Variants in TMEM176B observed in about 807,000 individuals in gnomAD.
TMEM176B encodes the protein LR8-like protein.
A neutral mutation model predicts 30.3 loss-of-function variants in TMEM176B; 28 were observed. The ratio of observed to expected loss-of-function variants is 0.92; its 90% confidence interval spans 0.68 to 1.27. The LOEUF (loss-of-function observed/expected upper bound fraction) is 1.27. Among genes scored for constraint, TMEM176B ranks in the 50% most tolerant of loss-of-function variants. The pLI, the probability that TMEM176B is intolerant of heterozygous loss-of-function variation, is 0.00. For missense variants in TMEM176B, 349 were observed against 327.4 expected (o/e 1.07, Z -0.51); for synonymous variants, 123 against 130.3 (o/e 0.94, Z 0.38).
At chr7:150,801,321 C>A (rs1798775850), upstream of TMEM176B, 4 of 493,394 alleles carry the variant, frequency 8.1e-6, no homozygotes, top group Admixed American at 3.9e-5. Flanking sequence ...GGGGAGGTTC[C>A]CGCAGGCTCT....
intron 2 of TMEM176B, among the ~76,000 whole-genome samples, chr7:150,794,540 T>A (rs1245461572): frequency 6.6e-6 from 1 of 151,928 alleles, no homozygotes; most frequent in Non-Finnish European, 1.5e-5. Flanking sequence ...CCTGCAGTTG[T>A]CAGCTCCTTC....
In TMEM176B at chr7:150,792,185, A is replaced by G. The variant is rs1196714706; in HGVS notation, c.601-10T>C. On this transcript the variant is annotated splice_polypyrimidine_tract_variant and intron_variant, in intron 5 of 6. Transcript: ENST00000326442. Reference sequence around the variant, plus strand: ...TTGCTGTGAACAACTTCTGGAGATAAGGGAAGAACAAAGATAGTCAGGTGT... The same window carrying G: ...TTGCTGTGAACAACTTCTGGAGATAGGGGAAGAACAAAGATAGTCAGGTGT... The G allele has an allele frequency of 6.2e-7, 1 of 1,612,672 alleles. No individual in the cohort carries two copies. The highest frequency in any genetic ancestry group is 1.7e-5 in the Admixed American group (1 of 59,978).
intron 6 of TMEM176B, 73 bp from the exon 7 acceptor site, chr7:150,791,696 A>G: frequency 7.4e-7 from 1 of 1,352,866 alleles, no homozygotes; most frequent in Non-Finnish European, 1.0e-6. Flanking sequence ...GAACTCAGAA[A>G]GCAGAAAGAG....
chr7:150,794,154 C>T, intron 2 of TMEM176B, 83 bp from the exon 3 acceptor site: 3 of 1,003,118 alleles, frequency 3.0e-6, no homozygotes, highest in South Asian at 1.5e-5. Context: ...CTGGCTCCTA[C>T]CTAGGTGGCT....
chr7:150,800,870 C>T (rs1248442315), upstream of TMEM176B: 7 of 980,070 alleles, frequency 7.1e-6, no homozygotes, highest in Non-Finnish European at 8.5e-6. Context: ...GGGCCTCCTT[C>T]CGCACGCACC....
intron 1 of TMEM176B, among the ~76,000 whole-genome samples, chr7:150,797,303 T>A (rs1481720019): frequency 6.6e-6 from 1 of 152,210 alleles, no homozygotes; most frequent in Non-Finnish European, 1.5e-5. Context: ...CACACGATCA[T>A]ATGTTTTTAG....
intron 1 of TMEM176B, among the ~76,000 whole-genome samples, chr7:150,797,989 T>C (rs1020894171): frequency 2.0e-5 from 3 of 152,230 alleles, no homozygotes; most frequent in Non-Finnish European, 2.9e-5. Flanking sequence ...GCAAACTCTT[T>C]TATCTTTTTC....
chr7:150,791,927 T>A (rs769509091), intron 6 of TMEM176B, 129 bp downstream of exon 6: 18 of 1,357,858 alleles, frequency 1.3e-5, no homozygotes, highest in Admixed American at 6.3e-5. Context: ...GAGAGCTGCA[T>A]ATGGAAAGAA....
chr7:150,798,793 C>T (rs1408035381), intron 1 of TMEM176B, among the ~76,000 whole-genome samples: 6 of 152,092 alleles, frequency 3.9e-5, no homozygotes, highest in African/African-American at 4.8e-5. Flanking sequence ...GTGAGCTCTC[C>T]GTTCACATCC....
chr7:150,797,079 A>C (rs1798559062), intron 1 of TMEM176B, among the ~76,000 whole-genome samples: 1 of 152,260 alleles, frequency 6.6e-6, no homozygotes, highest in Admixed American at 6.5e-5. Context: ...TAAAAAAGTT[A>C]AGAGATACAA....
At position 150,791,968 on chromosome 7, in the gene TMEM176B, C is replaced by T. The variant is rs1016803849; in HGVS notation, c.720+88G>A. The T allele has an allele frequency of 3.0e-5, 47 of 1,573,238 alleles. No individual in the cohort carries two copies. In the South Asian group the frequency reaches 4.6e-4, roughly 15 times the overall value. ...GGGGCACCAGGCCCAGCCTCAGGTTCGGGTGCCCCTGGCCCCGCACTCCTA... is the reference window on the plus strand; with the variant it reads ...GGGGCACCAGGCCCAGCCTCAGGTTTGGGTGCCCCTGGCCCCGCACTCCTA... On this transcript the variant is annotated intron_variant, in intron 6 of 6. Transcript: ENST00000326442.
intron 1 of TMEM176B, 31 bp from the exon 2 acceptor site, chr7:150,796,605 T>A (rs1798538442): frequency 6.2e-7 from 1 of 1,608,054 alleles, no homozygotes; most frequent in Admixed American, 1.7e-5. Flanking sequence ...AGCAGTGAGG[T>A]CTGGGAACTA....
rs1165005694 is a variant in TMEM176B, at chr7:150,791,510, C to T, written c.*21G>A. 2.5e-6 allele frequency: 4 copies of T among 1,608,154 alleles called. No homozygotes were observed. In the South Asian group the frequency reaches 3.3e-5, roughly 13 times the overall value. ...TGCCCTAGACAGGGACATGCGGGCA[C>T]CCCGTGGGGTCTTTGGCAGCTCACA... On this transcript the variant is annotated 3_prime_UTR_variant, in exon 7 of 7. Transcript: ENST00000326442.
intron 5 of TMEM176B, among the ~76,000 whole-genome samples, chr7:150,792,619 C>G (rs1798359072): frequency 6.6e-6 from 1 of 152,172 alleles, no homozygotes; most frequent in African/African-American, 2.4e-5. Context: ...CCGGACCATG[C>G]AACTACATCA....
chr7:150,796,315 C>T, intron 2 of TMEM176B, 51 bp downstream of exon 2: 6 of 1,542,216 alleles, frequency 3.9e-6, no homozygotes, highest in Non-Finnish European at 5.4e-6. Context: ...TTTTAATTGA[C>T]CTCATCACCT....
chr7:150,797,401 G>A (rs1192367565), intron 1 of TMEM176B, among the ~76,000 whole-genome samples: 5 of 152,134 alleles, frequency 3.3e-5, no homozygotes, highest in African/African-American at 1.2e-4. Flanking sequence ...TCTGGAATAG[G>A]GCATTGCAAT....
chr7:150,794,256 G>A (rs1377823604), intron 2 of TMEM176B, among the ~76,000 whole-genome samples, 185 bp from the exon 3 acceptor site: 1 of 151,842 alleles, frequency 6.6e-6, no homozygotes, highest in Non-Finnish European at 1.5e-5. Flanking sequence ...ACTGGCCTGG[G>A]TCTCCCCTCA....
Position 150,793,271 on chromosome 7 carries a change from A to G in TMEM176B, c.417T>C (p.Ala139=), listed in dbSNP as rs139157117. ...TCACGCAGAGGACAACAGCAGCCAT[A>G]GCTGTAGCAAAGCCTGCCAGGGTGA... ...SLLTLAGFAT[A]MAAVVLCVNS... Residue 139 remains alanine, a synonymous_variant, in exon 5 of 7, where the codon GCT becomes GCC. Transcript: ENST00000326442. 1.6e-4 allele frequency: 254 copies of G among 1,614,214 alleles called. 1 individual carries two copies. In the African/African-American group the frequency reaches 2.6e-3, roughly 16 times the overall value.
intron 1 of TMEM176B, among the ~76,000 whole-genome samples, chr7:150,799,007 C>G (rs10230520): frequency 0.048 from 7,380 of 152,170 alleles, 585 homozygotes; most frequent in African/African-American, 0.16. Flanking sequence ...TAAAGGACTT[C>G]CCCGTTTCGA....
Sources: allele counts gnomAD v4.1 joint callset (sites outside exome capture counted in the v4.1 genomes callset), GRCh38; gene constraint gnomAD v4.1.1; transcripts MANE v1.5; gene names NCBI Gene and HGNC (gene_info 2026-07-23, HGNC 2026-07-21).